Variants in ERMP1 observed in about 807,000 individuals in gnomAD.
ERMP1 encodes the protein Felix-ina.
ERMP1 carries 86 observed loss-of-function variants against 92.0 expected under a neutral mutation model. The ratio of observed to expected loss-of-function variants is 0.93; its 90% CI spans 0.79 to 1.12. ERMP1 has a LOEUF of 1.12. Among genes scored for constraint, ERMP1 ranks in the 50% most tolerant of loss-of-function variants. ERMP1 has a pLI of 0.00. For missense variants in ERMP1, 1,342 were observed against 1,116.3 expected, an observed-to-expected ratio of 1.20 and a Z score of -2.88; for synonymous variants, 530 against 412.8, an observed-to-expected ratio of 1.28 and a Z score of -3.44.
At chr9:5,814,288 T>C (rs996105261) in intron 4 of ERMP1, among the ~76,000 whole-genome samples, 5 of 152,120 alleles carry the variant, frequency 3.3e-5, no homozygotes, top group African/African-American at 1.2e-4. Context: ...GAGCAAGAAA[T>C]AAGCCTTTGC....
At chr9:5,857,091 G>A (rs949572510) in intron 6 of ERMP1, among the ~76,000 whole-genome samples, 20 of 152,138 alleles carry the variant, frequency 1.3e-4, no homozygotes, top group African/African-American at 3.9e-4. Context: ...CACAATTATA[G>A]CTCATTGCAG....
chr9:5,811,493 A>ACTG (rs1829093820), intron 6 of ERMP1, among the ~76,000 whole-genome samples, 170 bp from the exon 7 acceptor site: 1 of 152,198 alleles, frequency 6.6e-6, no homozygotes, highest in South Asian at 2.1e-4. Flanking sequence ...CTACCATCCT[A>ACTG]CTGCTCTCCC....
intron 11 of ERMP1, among the ~76,000 whole-genome samples, chr9:5,799,214 T>C (rs978403645): frequency 9.2e-5 from 14 of 152,224 alleles, no homozygotes; most frequent in African/African-American, 3.4e-4. Flanking sequence ...TATTGTATCT[T>C]CCAAATATAT....
chr9:5,865,813 G>A (rs371992027), intron 5 of ERMP1, among the ~76,000 whole-genome samples: 2 of 144,830 alleles, frequency 1.4e-5, no homozygotes, highest in Admixed American at 6.9e-5. Flanking sequence ...ACTCCAGCCC[G>A]GGCAACAGAG....
chr9:5,786,992 G>A lies in ERMP1; in HGVS notation c.*152C>T, dbSNP rs1264418386. 4 of 721,906 alleles carry A rather than the reference G, an allele frequency of 5.5e-6. No individual in the cohort carries two copies. Among genetic ancestry groups the A allele is most frequent in the African/African-American group, 1.8e-5 (1 of 55,848 alleles). The allele number at this position is 721,906 out of a possible 1,614,324, so 44.7% of individuals were successfully genotyped here. A position where few individuals can be genotyped will look rare whatever the true frequency, so the allele number is the denominator to read the frequency against. On this transcript the variant is annotated 3_prime_UTR_variant, in exon 15 of 15. Coordinates refer to ENST00000339450, the MANE Select transcript of ERMP1 (RefSeq NM_024896.3). ...TGCGCCACAGCTAAACCCTTATAGTGCTTGGCCCTGAAAAGCGTTAACCCA... is the reference window on the plus strand; with the variant it reads ...TGCGCCACAGCTAAACCCTTATAGTACTTGGCCCTGAAAAGCGTTAACCCA...
chr9:5,814,711 C>A (rs1012437516), intron 4 of ERMP1, among the ~76,000 whole-genome samples: 3 of 152,044 alleles, frequency 2.0e-5, no homozygotes, highest in African/African-American at 7.2e-5. Context: ...GCCTGGGTGA[C>A]AGAGTGAGAC....
At chr9:5,811,400 C>A in intron 6 of ERMP1, 77 bp from the exon 7 acceptor site, 1 of 1,030,034 alleles carries the variant, frequency 9.7e-7, no homozygotes. Context: ...GTGATTTACA[C>A]ATACCACTAT....
chr9:5,860,912 A>G (rs956051192), intron 5 of ERMP1, among the ~76,000 whole-genome samples: 2 of 151,524 alleles, frequency 1.3e-5, no homozygotes, highest in East Asian at 3.9e-4. Context: ...TCCCACCTCC[A>G]CCCTCTCTCA....
At chr9:5,804,566 G>A (rs1299492698) in intron 10 of ERMP1, among the ~76,000 whole-genome samples, 4 of 152,172 alleles carry the variant, frequency 2.6e-5, no homozygotes, top group Admixed American at 6.5e-5. Context: ...CAACAAGGTA[G>A]TGGAATGATA....
intron 4 of ERMP1, 101 bp downstream of exon 4, chr9:5,823,795 T>C: frequency 1.2e-6 from 1 of 824,976 alleles, no homozygotes; most frequent in Non-Finnish European, 1.9e-6. Context: ...GAATGCTCAT[T>C]CAAGAGACTG....
chr9:5,800,248 T>G (rs1828617562), intron 11 of ERMP1, among the ~76,000 whole-genome samples: 1 of 152,220 alleles, frequency 6.6e-6, no homozygotes, highest in African/African-American at 2.4e-5. Flanking sequence ...ATTTGTGTAG[T>G]ATGAGAACTT....
intron 12 of ERMP1, among the ~76,000 whole-genome samples, chr9:5,798,152 C>G (rs1322838876): frequency 6.6e-6 from 1 of 152,174 alleles, no homozygotes; most frequent in African/African-American, 2.4e-5. Context: ...GATTCCACCA[C>G]CCATCCTATT....
intron 8 of ERMP1, among the ~76,000 whole-genome samples, chr9:5,809,719 A>T (rs539712612): frequency 1.3e-5 from 2 of 152,360 alleles, no homozygotes; most frequent in Admixed American, 1.3e-4. Flanking sequence ...AGCCCAGGAC[A>T]TATTTACAAA....
chr9:5,798,558 G>A (rs1442466329), intron 12 of ERMP1, among the ~76,000 whole-genome samples: 4 of 151,578 alleles, frequency 2.6e-5, no homozygotes, highest in Non-Finnish European at 5.9e-5. Context: ...ATATTAGTTA[G>A]AAGGGCCACC....
At chr9:5,828,490 T>C (rs1201641338) in intron 2 of ERMP1, among the ~76,000 whole-genome samples, 1 of 152,246 alleles carries the variant, frequency 6.6e-6, no homozygotes, top group Non-Finnish European at 1.5e-5. Flanking sequence ...GGAATCTATA[T>C]AACACTTTAC....
chr9:5,865,698 C>G (rs563616969), intron 5 of ERMP1, among the ~76,000 whole-genome samples: 2 of 149,878 alleles, frequency 1.3e-5, no homozygotes, highest in Non-Finnish European at 3.0e-5. Flanking sequence ...ATTAGCTGGG[C>G]GTGGTGGTGC....
chr9:5,860,134 CA>C (rs55876887), intron 5 of ERMP1, among the ~76,000 whole-genome samples: 11 of 140,854 alleles, frequency 7.8e-5, no homozygotes, highest in Middle Eastern at 3.7e-3. Flanking sequence ...TTGTCTCTAC[CA>C]AAAAAAAAAA....
At chr9:5,812,444 C>A (rs1362255605) in intron 5 of ERMP1, among the ~76,000 whole-genome samples, 1 of 152,176 alleles carries the variant, frequency 6.6e-6, no homozygotes, top group Admixed American at 6.5e-5. Context: ...TATTACTCCA[C>A]AGGTAGGCAT....
intron 10 of ERMP1, 118 bp downstream of exon 10, chr9:5,804,909 C>T: frequency 1.3e-6 from 1 of 751,154 alleles, no homozygotes; most frequent in Non-Finnish European, 2.1e-6. Flanking sequence ...TTCACCATTT[C>T]TTCTGCTTCA....
Sources: allele counts gnomAD v4.1 joint callset (sites outside exome capture counted in the v4.1 genomes callset), GRCh38; gene constraint gnomAD v4.1.1; transcripts MANE v1.5; gene names NCBI Gene and HGNC (gene_info 2026-07-23, HGNC 2026-07-21).